The following SAMTOR variants were observed in gnomAD, a reference collection of about 807,000 sequenced individuals.
SAMTOR encodes the protein UPF0532 protein C7orf60.
At chr7:112,851,365 ACAAAGCAGAAC>A in the SAMTOR span, among the ~76,000 whole-genome samples, 1 of 152,200 alleles carries the variant, frequency 6.6e-6, no homozygotes, top group Non-Finnish European at 1.5e-5. Context: ...GATCAGCGGA[ACAAAGCAGAAC>A]CCAGAAATAA....
At chr7:112,865,901 T>C in the SAMTOR span, among the ~76,000 whole-genome samples, 67 of 150,610 alleles carry the variant, frequency 4.4e-4, no homozygotes, top group African/African-American at 1.3e-3. Context: ...TCCACTATGA[T>C]GAGCTATGAT....
At chr7:112,902,449 C>CAAA in the SAMTOR span, among the ~76,000 whole-genome samples, 6 of 54,936 alleles carry the variant, frequency 1.1e-4, no homozygotes, top group East Asian at 6.0e-4. Context: ...CAAAAAAAAA[C>CAAA]AAAAAAAAAA....
chr7:112,897,292 T>C, the SAMTOR span, among the ~76,000 whole-genome samples: 3 of 152,184 alleles, frequency 2.0e-5, no homozygotes, highest in African/African-American at 7.2e-5. Context: ...ACTAGATGGG[T>C]GCATTTTATT....
chr7:112,889,127 G>A, the SAMTOR span, among the ~76,000 whole-genome samples: 1 of 152,128 alleles, frequency 6.6e-6, no homozygotes, highest in Non-Finnish European at 1.5e-5. Flanking sequence ...CCAGGATTGA[G>A]TGATCTTTTT....
At chr7:112,866,675 C>G in the SAMTOR span, among the ~76,000 whole-genome samples, 1 of 152,176 alleles carries the variant, frequency 6.6e-6, no homozygotes, top group Admixed American at 6.5e-5. Context: ...TCTGTTGTAC[C>G]TCTTTAAATA....
the SAMTOR span, among the ~76,000 whole-genome samples, chr7:112,838,103 T>C: frequency 6.6e-6 from 1 of 151,828 alleles, no homozygotes; most frequent in Non-Finnish European, 1.5e-5. Flanking sequence ...AAAAGGGTGT[T>C]TGTGTGAGAG....
chr7:112,837,218 C>T, the SAMTOR span, among the ~76,000 whole-genome samples: 1 of 151,566 alleles, frequency 6.6e-6, no homozygotes, highest in African/African-American at 2.4e-5. Context: ...GGGTTGTGTT[C>T]TTGATTTGGC....
At chr7:112,923,374 A>G in the SAMTOR span, among the ~76,000 whole-genome samples, 1 of 151,678 alleles carries the variant, frequency 6.6e-6, no homozygotes, top group Non-Finnish European at 1.5e-5. Context: ...TAGGAAAACC[A>G]GAGACCTTTG....
chr7:112,896,622 C>A, the SAMTOR span, among the ~76,000 whole-genome samples: 2 of 152,078 alleles, frequency 1.3e-5, no homozygotes, highest in Non-Finnish European at 2.9e-5. Context: ...TTATTAAGTA[C>A]GCATCATGTG....
the SAMTOR span, among the ~76,000 whole-genome samples, chr7:112,918,250 C>T: frequency 1.6e-4 from 24 of 152,278 alleles, no homozygotes; most frequent in African/African-American, 2.4e-4. Flanking sequence ...GCGGATCTCT[C>T]GGCAGAAACT....
chr7:112,865,108 T>C, the SAMTOR span, among the ~76,000 whole-genome samples: 1 of 152,164 alleles, frequency 6.6e-6, no homozygotes. Context: ...ATTTCATCTT[T>C]GGTTAGATTT....
chr7:112,876,102 A>G, the SAMTOR span, among the ~76,000 whole-genome samples: 1 of 152,138 alleles, frequency 6.6e-6, no homozygotes. Context: ...CTGGGACTAC[A>G]GGCACATGCC....
chr7:112,931,682 G>A, the SAMTOR span, among the ~76,000 whole-genome samples: 3 of 152,074 alleles, frequency 2.0e-5, no homozygotes, highest in Admixed American at 1.3e-4. Context: ...CTATATAAAT[G>A]GAAATGGATA....
At chr7:112,895,263 T>C in the SAMTOR span, among the ~76,000 whole-genome samples, 1 of 151,182 alleles carries the variant, frequency 6.6e-6, no homozygotes, top group African/African-American at 2.4e-5. Context: ...TACACACATA[T>C]AGCCATAACA....
chr7:112,872,108 C>T, the SAMTOR span, among the ~76,000 whole-genome samples: 1 of 152,108 alleles, frequency 6.6e-6, no homozygotes, highest in Non-Finnish European at 1.5e-5. Context: ...AGGAGGAATT[C>T]GTTCCTAACT....
At chr7:112,887,350 A>G in the SAMTOR span, among the ~76,000 whole-genome samples, 1 of 151,726 alleles carries the variant, frequency 6.6e-6, no homozygotes, top group Non-Finnish European at 1.5e-5. Flanking sequence ...TTCAGTCATT[A>G]TCTAATAATC....
chr7:112,820,726 A>T, the SAMTOR span: 21 of 152,150 alleles, frequency 1.4e-4, no homozygotes, highest in Non-Finnish European at 2.7e-4. Flanking sequence ...TTTAGATAGA[A>T]ATTAAGATAC....
chr7:112,911,906 T>C, the SAMTOR span, among the ~76,000 whole-genome samples: 660 of 151,938 alleles, frequency 4.3e-3, 7 homozygotes, highest in Middle Eastern at 0.014. Flanking sequence ...ATGTGGGATA[T>C]TCTACAAATT....
the SAMTOR span, among the ~76,000 whole-genome samples, chr7:112,924,061 G>T: frequency 6.8e-6 from 1 of 147,260 alleles, no homozygotes; most frequent in Admixed American, 6.8e-5. Flanking sequence ...CGGGAGGGGG[G>T]AGGGATAGCA....
Sources: gnomAD v4.1 joint callset for allele counts (sites outside exome capture counted in the v4.1 genomes callset) on GRCh38, gnomAD v4.1.1 for gene constraint, MANE v1.5 for transcripts, NCBI Gene and HGNC (gene_info 2026-07-23, HGNC 2026-07-21) for gene names.